Variants in NRG2 observed in about 807,000 individuals in gnomAD.
The protein encoded by NRG2 is pro-neuregulin-2, membrane-bound isoform.
A neutral mutation model predicts 73.9 loss-of-function variants in NRG2; 27 were observed. That is an observed-to-expected ratio of 0.37 (90% CI 0.27 to 0.50). NRG2 has a LOEUF of 0.50. NRG2 is among the 20% of genes least tolerant of loss of function. The pLI is 0.96. For missense variants in NRG2, 1,126 were observed against 1,210.1 expected, an observed-to-expected ratio of 0.93 and a Z score of 1.03; for synonymous variants, 532 against 541.0, an observed-to-expected ratio of 0.98 and a Z score of 0.23.
chr5:139,949,153 G>A (rs264336), intron 1 of NRG2, among the ~76,000 whole-genome samples: 33,379 of 152,024 alleles, frequency 0.22, 4,767 homozygotes, highest in African/African-American at 0.41. Context: ...CTTTAAGGGA[G>A]AAAGAAGCTG....
chr5:139,962,837 T>C (rs1365512780), intron 1 of NRG2, among the ~76,000 whole-genome samples: 1 of 152,192 alleles, frequency 6.6e-6, no homozygotes, highest in African/African-American at 2.4e-5. Context: ...AGAGGTTGCC[T>C]ACTCTGCCTC....
At chr5:139,972,006 T>A (rs1308051877) in intron 1 of NRG2, among the ~76,000 whole-genome samples, 1 of 152,178 alleles carries the variant, frequency 6.6e-6, no homozygotes, top group Non-Finnish European at 1.5e-5. Flanking sequence ...ACAATAATTT[T>A]AAAAATGATG....
At chr5:139,960,959 C>G (rs1755013878) in intron 1 of NRG2, among the ~76,000 whole-genome samples, 1 of 152,126 alleles carries the variant, frequency 6.6e-6, no homozygotes, top group East Asian at 1.9e-4. Flanking sequence ...TCTGAAGAAG[C>G]TGCCAGGCTC....
intron 1 of NRG2, among the ~76,000 whole-genome samples, chr5:139,984,616 G>A (rs1430389344): frequency 6.6e-6 from 1 of 152,146 alleles, no homozygotes; most frequent in African/African-American, 2.4e-5. Flanking sequence ...TTCCTACAAT[G>A]AGCATTTATT....
At position 139,987,110 on chromosome 5, in the gene NRG2, G is replaced by A. The variant is rs188482742; in HGVS notation, c.700+55260C>T. ...TTATGGGCTAGGCACGGTGGCTCACGCCCGTAATCCTAGCACTTTGGGAGG... is the reference window on the plus strand; with the variant it reads ...TTATGGGCTAGGCACGGTGGCTCACACCCGTAATCCTAGCACTTTGGGAGG... On this transcript the variant is annotated intron_variant, in intron 1 of 9. Transcript: ENST00000361474. Among the ~76,000 whole-genome samples, 209 of 151,960 alleles carry A rather than the reference G, an allele frequency of 1.4e-3. 5 individuals carry two copies. The highest frequency in any genetic ancestry group is 0.01 in the Admixed American group (153 of 15,274).
intron 1 of NRG2, among the ~76,000 whole-genome samples, chr5:139,938,905 AAAAGAAAGAAAGAAAGAAAGAAAG>A (rs1164805368): frequency 0.017 from 1,275 of 75,454 alleles, 14 homozygotes; most frequent in Middle Eastern, 0.031. Context: ...AGAAAGAAAG[AAAAGAAAGAAAGAAAGAAAGAAAG>A]AAAGAAAGAA....
intron 4 of NRG2, among the ~76,000 whole-genome samples, chr5:139,867,178 A>G (rs1762519243): frequency 6.6e-6 from 1 of 152,230 alleles, no homozygotes; most frequent in Non-Finnish European, 1.5e-5. Flanking sequence ...ACAGATACTC[A>G]TGAACACCCT....
chr5:140,026,889 T>C (rs1357724462), intron 1 of NRG2, among the ~76,000 whole-genome samples: 1 of 152,186 alleles, frequency 6.6e-6, no homozygotes. Context: ...AGTTTGAGAA[T>C]TTTTGAATTA....
chr5:139,864,207 A>G (rs1378619106), intron 5 of NRG2, among the ~76,000 whole-genome samples: 1 of 151,802 alleles, frequency 6.6e-6, no homozygotes, highest in Non-Finnish European at 1.5e-5. Context: ...AAGCCAGCGG[A>G]CCCCTGGTCC....
intron 1 of NRG2, among the ~76,000 whole-genome samples, chr5:139,901,586 G>A (rs1017292974): frequency 6.6e-6 from 1 of 152,210 alleles, no homozygotes; most frequent in African/African-American, 2.4e-5. Context: ...AGATAGCAAA[G>A]ATGGGAAAGA....
chr5:139,982,708 T>C (rs1756899766), intron 1 of NRG2, among the ~76,000 whole-genome samples: 1 of 152,172 alleles, frequency 6.6e-6, no homozygotes, highest in Admixed American at 6.5e-5. Flanking sequence ...CAGGAATTAT[T>C]TCTTTACAAC....
At chr5:140,036,678 AGC>A (rs1338570882) in intron 1 of NRG2, among the ~76,000 whole-genome samples, 1 of 152,208 alleles carries the variant, frequency 6.6e-6, no homozygotes, top group Non-Finnish European at 1.5e-5. Context: ...TTAATTTGCT[AGC>A]AACAAGTAAG....
chr5:139,962,610 T>C (rs1755162025), intron 1 of NRG2, among the ~76,000 whole-genome samples: 1 of 152,128 alleles, frequency 6.6e-6, no homozygotes, highest in Non-Finnish European at 1.5e-5. Context: ...GCTCAGACCG[T>C]CTTCACAGGA....
chr5:139,883,024 G>A (rs906807611), intron 2 of NRG2, among the ~76,000 whole-genome samples: 11 of 152,110 alleles, frequency 7.2e-5, no homozygotes, highest in Admixed American at 7.2e-4. Context: ...GGGGCTCTGG[G>A]TCCTGGCTAA....
intron 1 of NRG2, among the ~76,000 whole-genome samples, chr5:139,942,057 T>A (rs531526037): frequency 6.6e-6 from 1 of 152,282 alleles, no homozygotes; most frequent in Non-Finnish European, 1.5e-5. Context: ...ATAACACTGG[T>A]TAAGGGTAGT....
At chr5:139,914,240 G>C (rs1169926884) in intron 1 of NRG2, among the ~76,000 whole-genome samples, 1 of 152,218 alleles carries the variant, frequency 6.6e-6, no homozygotes, top group African/African-American at 2.4e-5. Context: ...CCAATTAGCA[G>C]AAAGGTCTGG....
Position 139,853,802 on chromosome 5 carries a change from G to A in NRG2, c.1293-775C>T, listed in dbSNP as rs151280219. 1.8e-3 allele frequency among the ~76,000 whole-genome samples: 272 copies of A among 152,212 alleles called. 1 individual carries two copies. The highest frequency in any genetic ancestry group is 6.3e-3 in the African/African-American group (262 of 41,510). On this transcript the variant is annotated intron_variant, in intron 6 of 9. Transcript: ENST00000361474. This position sits in a 1 kb window ranked among gnomAD's most constrained non-coding sequence, Gnocchi z 4.1. The stretch of plus-strand genomic sequence containing the variant: ...GAAGTGGGGGGTTGGGAGGGAGGTG[G>A]GGATGGTTCATGGGTACAAAAACTA...
intron 1 of NRG2, among the ~76,000 whole-genome samples, chr5:139,946,770 C>T (rs767827413): frequency 5.9e-5 from 9 of 152,038 alleles, no homozygotes; most frequent in Non-Finnish European, 1.0e-4. Flanking sequence ...TACAACTCAA[C>T]AACAATAAAA....
intron 1 of NRG2, among the ~76,000 whole-genome samples, chr5:140,037,976 A>G (rs1431497767): frequency 6.6e-6 from 1 of 151,784 alleles, no homozygotes; most frequent in Non-Finnish European, 1.5e-5. Context: ...CACTTCAAGA[A>G]TAAATTATTC....
Sources: gnomAD v4.1 joint callset for allele counts (sites outside exome capture counted in the v4.1 genomes callset) on GRCh38, gnomAD v4.1.1 for gene constraint, Gnocchi (gnomAD v3.1) non-coding constraint, MANE v1.5 for transcripts, NCBI Gene and HGNC (gene_info 2026-07-23, HGNC 2026-07-21) for gene names.